SLC35A2: variants seen among roughly 807,000 people sequenced by gnomAD.
SLC35A2 encodes the protein UDP-galactose translocator.
SLC35A2 carries 1 observed loss-of-function variant against 17.3 expected under a neutral mutation model. That is an observed-to-expected ratio of 0.06 (90% CI 0.02 to 0.27). SLC35A2 has a LOEUF of 0.27. Among genes scored for constraint, SLC35A2 ranks in the 10% least tolerant of loss-of-function variants. The pLI is 1.00. For synonymous variants in SLC35A2, 161 were observed against 161.3 expected (o/e 1.00, Z 0.01); for missense variants, 191 against 339.3 (o/e 0.56, Z 3.43).
At chrX:48,904,495 C>T (rs782179334) in intron 4 of SLC35A2, 136 of 1,113,123 alleles carry the variant, frequency 1.2e-4, no homozygotes, top group Non-Finnish European at 1.4e-4. Flanking sequence ...GGAGCAGAGG[C>T]GGCAGCTCTA....
intron 3 of SLC35A2, chrX:48,906,018 G>A: frequency 5.3e-6 from 2 of 375,354 alleles, no homozygotes; most frequent in South Asian, 9.2e-5. Context: ...GAGAGGTTAG[G>A]TGACGTGCCC....
intron 3 of SLC35A2, 33 bp from the exon 4 acceptor site, chrX:48,905,515 G>A (rs781853399): frequency 9.0e-7 from 1 of 1,116,475 alleles, no homozygotes; most frequent in South Asian, 2.2e-5. Flanking sequence ...ACTGAGGGCT[G>A]ACCCTGGCCC....
chrX:48,911,687 G>T, upstream of SLC35A2: 1 of 1,154,059 alleles, frequency 8.7e-7, no homozygotes, highest in East Asian at 3.3e-5. Context: ...CCACTTCCGC[G>T]TTCGTCACTT....
intron 2 of SLC35A2, 118 bp downstream of exon 2, chrX:48,909,696 G>T: frequency 3.1e-6 from 2 of 635,327 alleles, no homozygotes; most frequent in Non-Finnish European, 4.9e-6. Flanking sequence ...CTGGAGTGGC[G>T]CTCCAGGCAG....
At chrX:48,910,604 CCTAT>C (rs1237897610) in intron 1 of SLC35A2, among the ~76,000 whole-genome samples, 4 of 111,272 alleles carry the variant, frequency 3.6e-5, no homozygotes, top group Non-Finnish European at 5.7e-5. Context: ...CGGTCTTTCT[CCTAT>C]CTAAGAAATG....
In SLC35A2 at chrX:48,905,152, C is replaced by T; in HGVS notation, c.757G>A (p.Ala253Thr). Residue 253 changes from alanine to threonine, a missense_variant, in exon 4 of 5, where the codon GCT becomes ACT. By Grantham distance (58) the Ala-to-Thr change is moderately conservative. Around this residue, in one of 2 missense-constraint regions of SLC35A2, gnomAD observed 164 missense variants for 315.3 expected, o/e 0.52. Coordinates refer to ENST00000247138, the MANE Select transcript of SLC35A2 (RefSeq NM_005660.3). ...CGGGTGGCCACGGCGGTACCCTCAG[C>T]CCACCAGAGCCCCACCAGGCCCAGT... ...TALGLVGLWW[A>T]EGTAVATRGF... 2 of 1,209,715 alleles carry T rather than the reference C, an allele frequency of 1.7e-6. No individual in the cohort carries two copies. The highest frequency in any genetic ancestry group is 2.2e-6 in the Non-Finnish European group (2 of 894,312).
intron 4 of SLC35A2, 192 bp from the exon 5 acceptor site, chrX:48,903,657 T>A: frequency 1.3e-6 from 1 of 774,920 alleles, no homozygotes; most frequent in Non-Finnish European, 1.8e-6. Flanking sequence ...ATCCTGACAT[T>A]TGTTCATTAC....
intron 1 of SLC35A2, chrX:48,910,323 C>T: frequency 9.0e-7 from 1 of 1,115,282 alleles, no homozygotes; most frequent in Non-Finnish European, 1.2e-6. Context: ...CAACTCTTCC[C>T]CAGAAAGAAT....
chrX:48,903,759 G>C (rs1229958917), intron 4 of SLC35A2: 10 of 940,228 alleles, frequency 1.1e-5, no homozygotes, highest in South Asian at 2.9e-5. Flanking sequence ...GACAGCCCAG[G>C]CATCTTCCAT....
chrX:48,903,802 G>A, intron 4 of SLC35A2: 1 of 859,599 alleles, frequency 1.2e-6, no homozygotes, highest in South Asian at 4.0e-5. Context: ...TACAGTTAAG[G>A]GGTTAATAAG....
chrX:48,907,911 A>C, intron 2 of SLC35A2, among the ~76,000 whole-genome samples: 1 of 108,939 alleles, frequency 9.2e-6, no homozygotes, highest in Non-Finnish European at 1.9e-5. Context: ...AATCCCAGCT[A>C]CTCAGGAGGC....
Position 48,906,527 on chromosome X carries a change from C to A in SLC35A2, c.291G>T (p.Leu97=). 8.3e-7 allele frequency: 1 copy of A among 1,211,564 alleles called. No homozygotes were observed. The highest frequency in any genetic ancestry group is 1.1e-6 in the Non-Finnish European group (1 of 895,201). The part of the protein sequence containing the change: ...FAQKRGNVKH[L]VLFLHEAVLV... ...GGACAGCCTCATGGAGGAAGAGAAC[C>A]AGGTGCTTCACGTTACCTAGGTGGG... Residue 97 remains leucine, a synonymous_variant, in exon 3 of 5, where the codon CTG becomes CTT. Coordinates refer to ENST00000247138, the MANE Select transcript of SLC35A2 (RefSeq NM_005660.3).
At chrX:48,909,049 G>A (rs2063512252) in intron 2 of SLC35A2, among the ~76,000 whole-genome samples, 1 of 112,221 alleles carries the variant, frequency 8.9e-6, no homozygotes, top group African/African-American at 3.2e-5. Flanking sequence ...ACTACCCAAA[G>A]TCTACAAAAC....
intron 1 of SLC35A2, among the ~76,000 whole-genome samples, chrX:48,911,023 T>G (rs919140575): frequency 9.0e-6 from 1 of 110,643 alleles, no homozygotes; most frequent in Non-Finnish European, 1.9e-5. Context: ...CCCACCCGAA[T>G]GTACAATGAA....
At chrX:48,904,273 A>G in intron 4 of SLC35A2, 1 of 944,378 alleles carries the variant, frequency 1.1e-6, no homozygotes, top group Non-Finnish European at 1.3e-6. Flanking sequence ...GCCTCAAACT[A>G]TGGGCAACTG....
intron 2 of SLC35A2, among the ~76,000 whole-genome samples, chrX:48,907,284 CTT>C (rs781928961): frequency 5.0e-5 from 5 of 100,002 alleles, no homozygotes; most frequent in Admixed American, 1.1e-4. Context: ...TTAGTCTAGA[CTT>C]TTTTTTTTTT....
chrX:48,906,244 C>A (rs1224527466), intron 3 of SLC35A2, 148 bp downstream of exon 3: 14 of 530,065 alleles, frequency 2.6e-5, no homozygotes, highest in Non-Finnish European at 4.3e-5. Flanking sequence ...TTTTCACAGA[C>A]GAGAAAAGGG....
At chrX:48,911,055 GC>G (rs2063529625) in intron 1 of SLC35A2, among the ~76,000 whole-genome samples, 1 of 110,553 alleles carries the variant, frequency 9.0e-6, no homozygotes, top group African/African-American at 3.3e-5. Context: ...TTAGGAGGGA[GC>G]CCCCAGAACG....
chrX:48,910,496 A>G (rs1557043847), intron 1 of SLC35A2, among the ~76,000 whole-genome samples: 1 of 111,996 alleles, frequency 8.9e-6, no homozygotes, highest in Non-Finnish European at 1.9e-5. Context: ...TTTATATGAA[A>G]TGATGCTCCT....
Sources: allele counts gnomAD v4.1 joint callset (sites outside exome capture counted in the v4.1 genomes callset), GRCh38; gene constraint gnomAD v4.1.1; regional missense constraint gnomAD v4.1.1; transcripts MANE v1.5; gene names NCBI Gene and HGNC (gene_info 2026-07-23, HGNC 2026-07-21).